GCG: variants seen among roughly 807,000 people sequenced by gnomAD.
GCG encodes the protein glucagon.
A neutral mutation model predicts 22.8 loss-of-function variants in GCG; 11 were observed. The ratio of observed to expected loss-of-function variants is 0.48; its 90% CI spans 0.30 to 0.80. GCG has a LOEUF of 0.80. Ranked by LOEUF, GCG falls within the 30% of genes least tolerant of loss-of-function variation. GCG has a pLI of 0.06. For synonymous variants in GCG, 89 were observed against 72.4 expected, an observed-to-expected ratio of 1.23 and a Z score of -1.16; for missense variants, 222 against 222.0, an observed-to-expected ratio of 1.00 and a Z score of 0.00.
chr2:162,151,004 C>A (rs16846334), intron 1 of GCG, among the ~76,000 whole-genome samples: 2 of 150,660 alleles, frequency 1.3e-5, no homozygotes, highest in Non-Finnish European at 3.0e-5. Flanking sequence ...GAAAGTCTAT[C>A]GAATTGTGAA....
chr2:162,144,467 T>C (rs1231974518), intron 4 of GCG: 1 of 273,856 alleles, frequency 3.7e-6, no homozygotes, highest in East Asian at 7.0e-5. Context: ...TTGTTGAGAT[T>C]ATTAGTCTGT....
chr2:162,147,190 G>T (rs1006336465), intron 3 of GCG, among the ~76,000 whole-genome samples, 163 bp downstream of exon 3: 2 of 152,006 alleles, frequency 1.3e-5, no homozygotes, highest in African/African-American at 4.8e-5. Context: ...AGACATTCGG[G>T]GGCATAATAC....
At chr2:162,147,269 A>C (rs745985053) in intron 3 of GCG, 84 bp downstream of exon 3, 5 of 1,001,684 alleles carry the variant, frequency 5.0e-6, no homozygotes, top group Non-Finnish European at 1.5e-6. Context: ...TTTGACGAGC[A>C]TAAGAACTTA....
Position 162,145,635 on chromosome 2 carries a change from A to G in GCG, c.297T>C (p.Ala99=). ...TTACATCACTGGTAAAGGTCCCTTCAGCATGTCTCTCAAATTCATCGTGAC... is the reference window on the plus strand; with the variant it reads ...TTACATCACTGGTAAAGGTCCCTTCGGCATGTCTCTCAAATTCATCGTGAC... ...AKRHDEFERH[A]EGTFTSDVSS... Residue 99 remains alanine, a synonymous_variant, in exon 4 of 6, where the codon GCT becomes GCC. Coordinates refer to ENST00000418842, the MANE Select transcript of GCG (RefSeq NM_002054.5). 8 of 1,610,788 alleles carry G rather than the reference A, an allele frequency of 5.0e-6. No homozygotes were observed. Among genetic ancestry groups the G allele is most frequent in the Non-Finnish European group, 6.8e-6 (8 of 1,178,010 alleles).
chr2:162,149,576 C>T (rs1487546638), intron 1 of GCG, among the ~76,000 whole-genome samples: 1 of 152,122 alleles, frequency 6.6e-6, no homozygotes, highest in Non-Finnish European at 1.5e-5. Flanking sequence ...TCATGCCACC[C>T]CCCTCACTAT....
chr2:162,145,481 G>C, intron 4 of GCG, 59 bp downstream of exon 4: 1 of 1,399,814 alleles, frequency 7.1e-7, no homozygotes, highest in East Asian at 2.3e-5. Flanking sequence ...ATAGATAACT[G>C]TAGTCTTAAA....
chr2:162,145,516 T>C (rs1054333838), intron 4 of GCG, 24 bp downstream of exon 4: 5 of 1,567,714 alleles, frequency 3.2e-6, no homozygotes, highest in Non-Finnish European at 3.4e-6. Flanking sequence ...GCAAAAAATG[T>C]CAAATAAGAA....
In GCG at chr2:162,144,071, G is replaced by C. The variant is rs758831302; in HGVS notation, c.492C>G (p.Ala164=). ...GAATCAACCAGTTTATAAAGTCCCT[G>C]GCGGCAAGATTATCAAGAATGGTGT... ...EMNTILDNLA[A]RDFINWLIQT... is the part of the protein sequence containing the mutation. The change falls in exon 5 of 6, where the codon GCC becomes GCG. Residue 164 remains alanine (A), a synonymous_variant. Coordinates refer to ENST00000418842, the MANE Select transcript of GCG (RefSeq NM_002054.5). 3.1e-6 allele frequency: 5 copies of C among 1,612,994 alleles called. No homozygotes were observed. Among genetic ancestry groups the C allele is most frequent in the Admixed American group, 1.7e-5 (1 of 59,930 alleles).
At chr2:162,143,873 G>T (rs889244676) in intron 5 of GCG, 154 bp downstream of exon 5, 5 of 673,840 alleles carry the variant, frequency 7.4e-6, no homozygotes, top group Non-Finnish European at 1.3e-5. Context: ...CAAACATAAT[G>T]ATGTACTCTT....
At chr2:162,149,573 A>G (rs1190489757) in intron 1 of GCG, among the ~76,000 whole-genome samples, 1 of 152,036 alleles carries the variant, frequency 6.6e-6, no homozygotes, top group African/African-American at 2.4e-5. Flanking sequence ...CCATCATGCC[A>G]CCCCCCTCAC....
intron 4 of GCG, 45 bp downstream of exon 4, chr2:162,145,495 T>C (rs1174156067): frequency 1.3e-6 from 2 of 1,538,744 alleles, no homozygotes; most frequent in African/African-American, 2.8e-5. Flanking sequence ...TCTTAAATTT[T>C]CTGCATCAAG....
intron 4 of GCG, 101 bp from the exon 5 acceptor site, chr2:162,144,271 C>G: frequency 1.1e-6 from 1 of 928,956 alleles, no homozygotes; most frequent in Admixed American, 1.8e-5. Context: ...CTTGAGGAAA[C>G]AGTAAAGGAT....
chr2:162,146,009 T>C (rs994818803), intron 3 of GCG, among the ~76,000 whole-genome samples: 27 of 152,190 alleles, frequency 1.8e-4, no homozygotes, highest in African/African-American at 6.0e-4. Flanking sequence ...CACTGCACTA[T>C]GTGACTTGCA....
At position 162,147,440 on chromosome 2, in the gene GCG, C is replaced by T. The variant is rs765979783; in HGVS notation, c.167G>A (p.Gly56Asp). 6 of 1,612,712 alleles carry T rather than the reference C, an allele frequency of 3.7e-6. No individual in the cohort carries two copies. The highest frequency in any genetic ancestry group is 2.2e-5 in the South Asian group (2 of 91,068). The change falls in exon 3 of 6, where the codon GGC becomes GAC. Residue 56 changes from glycine (G) to aspartate (D), a missense_variant. Gly to Asp is a moderately conservative substitution (Grantham distance 94). Coordinates refer to ENST00000418842, the MANE Select transcript of GCG (RefSeq NM_002054.5). ...CTTGCTGTAGTCACTGGTGAATGTG[C>T]CCTGTGAATGGCGCTTGTCCTCGTT... ...QMNEDKRHSQ[G>D]TFTSDYSKYL...
rs917696060 is a variant in GCG at position 162,143,312 on chromosome 2, C to T, written c.*52G>A. ...TTACAGGACTTAACATTTCAAACAT[C>T]CCACGTGGCTAGCAGGTGATGTTGT... On this transcript the variant is annotated 3_prime_UTR_variant, in exon 6 of 6. Coordinates refer to ENST00000418842, the MANE Select transcript of GCG (RefSeq NM_002054.5). 1.9e-6 allele frequency: 2 copies of T among 1,054,708 alleles called. No homozygotes were observed. Among genetic ancestry groups the T allele is most frequent in the African/African-American group, 1.6e-5 (1 of 62,128 alleles). The allele number at this position is 1,054,708 out of a possible 1,614,324, so 65.3% of individuals were successfully genotyped here. A position where few individuals can be genotyped will look rare whatever the true frequency, so the allele number is the denominator to read the frequency against.
chr2:162,147,301 G>C, intron 3 of GCG, 52 bp downstream of exon 3: 3 of 1,319,830 alleles, frequency 2.3e-6, no homozygotes, highest in South Asian at 1.3e-5. Context: ...AGAAATTTTA[G>C]ACCTATTTAA....
chr2:162,143,997 G>T lies in GCG; in HGVS notation c.536+30C>A, dbSNP rs370287343. 281 of 1,600,102 alleles carry T rather than the reference G, an allele frequency of 1.8e-4. 2 individuals are homozygous for T. In the African/African-American group the frequency reaches 3.3e-3, roughly 19 times the overall value. On this transcript the variant is annotated intron_variant, in intron 5 of 5. Transcript: ENST00000418842. ...CAATCAGTACTTATGAGAATTTGAT[G>T]GTTTTCAGAATTAACTAAAAAGCAG...
At chr2:162,145,507 C>CA (rs1265144095) in intron 4 of GCG, 33 bp downstream of exon 4, 4 of 1,559,398 alleles carry the variant, frequency 2.6e-6, no homozygotes, top group African/African-American at 1.4e-5. Flanking sequence ...TGCATCAAGG[C>CA]AAAAAATGTC....
In GCG at chr2:162,149,275, T is replaced by C. The variant is rs1238089593; in HGVS notation, c.-9-88A>G. 5.6e-6 allele frequency: 4 copies of C among 714,408 alleles called. No individual in the cohort carries two copies. The African/African-American group carries it at 7.0e-5, about 13-fold the overall frequency. 44.3% of individuals were successfully genotyped at this position (714,408 alleles called of 1,614,324 possible). On this transcript the variant is annotated intron_variant, in intron 1 of 5. Transcript: ENST00000418842. ...GCTAAATTAATTAGATTTGACTAGA[T>C]AAATATCATAAGTAGAAGGAAAAAG...
Sources: allele counts gnomAD v4.1 joint callset (sites outside exome capture counted in the v4.1 genomes callset), GRCh38; gene constraint gnomAD v4.1.1; transcripts MANE v1.5; gene names NCBI Gene and HGNC (gene_info 2026-07-23, HGNC 2026-07-21).